SND1: variants seen among roughly 807,000 people sequenced by gnomAD.
SND1 encodes staphylococcal nuclease domain-containing protein 1.
A neutral mutation model predicts 121.7 loss-of-function variants in SND1; 38 were observed. The observed-to-expected ratio is 0.31, with a 90% CI of 0.24 to 0.41. SND1 has a LOEUF of 0.41. Ranked by LOEUF, SND1 falls within the 10% of genes least tolerant of loss-of-function variation. The pLI is 1.00. For missense variants in SND1, 868 were observed against 1,184.6 expected, an observed-to-expected ratio of 0.73 and a Z score of 3.92; for synonymous variants, 401 against 447.4, an observed-to-expected ratio of 0.90 and a Z score of 1.31.
intron 11 of SND1, among the ~76,000 whole-genome samples, chr7:127,813,692 G>A (rs1010019121): frequency 5.3e-5 from 8 of 152,086 alleles, no homozygotes; most frequent in Non-Finnish European, 1.0e-4. Context: ...CGCCCAAGTA[G>A]CTGGGATTAT....
chr7:128,054,993 T>C (rs1214585682), intron 16 of SND1, among the ~76,000 whole-genome samples: 3 of 152,234 alleles, frequency 2.0e-5, no homozygotes, highest in Admixed American at 2.0e-4. Context: ...GTTATTCTAA[T>C]AGGATGGATA....
chr7:127,931,830 C>T (rs946341330), intron 15 of SND1, among the ~76,000 whole-genome samples: 13 of 152,282 alleles, frequency 8.5e-5, no homozygotes, highest in South Asian at 2.1e-4. Flanking sequence ...GCCTGTATGA[C>T]GGCACATCTG....
chr7:127,662,542 C>T (rs1424178031), intron 1 of SND1, among the ~76,000 whole-genome samples: 4 of 152,080 alleles, frequency 2.6e-5, no homozygotes, highest in South Asian at 2.1e-4. Context: ...TTTTTTGTAA[C>T]CTTTTTTGTT....
At chr7:127,812,772 A>G (rs1798357329) in intron 11 of SND1, among the ~76,000 whole-genome samples, 1 of 152,242 alleles carries the variant, frequency 6.6e-6, no homozygotes, top group East Asian at 1.9e-4. Flanking sequence ...CTGGCTATTT[A>G]TCAGGGTTGT....
rs1795710386 is a variant in SND1, at chr7:127,680,810, A to G, written c.79-5803A>G. Among the ~76,000 whole-genome samples the G allele has an allele frequency of 3.3e-5, 5 of 151,570 alleles. No homozygotes were observed. The Admixed American group carries it at 3.3e-4, about 10-fold the overall frequency. ...TTAAGAGATTAAAGTAAAGACAGGC[A>G]TAGGAAATCACAAGGGTATTGATTG... On this transcript the variant is annotated intron_variant, in intron 1 of 23. Coordinates refer to ENST00000354725, the MANE Select transcript of SND1 (RefSeq NM_014390.4).
At chr7:127,680,411 T>C (rs900471021) in intron 1 of SND1, among the ~76,000 whole-genome samples, 1 of 152,024 alleles carries the variant, frequency 6.6e-6, no homozygotes, top group Non-Finnish European at 1.5e-5. Context: ...TATGGGAGAC[T>C]GGGGCTTATT....
intron 16 of SND1, among the ~76,000 whole-genome samples, chr7:128,036,009 G>A (rs1792743305): frequency 6.6e-6 from 1 of 152,198 alleles, no homozygotes; most frequent in Admixed American, 6.5e-5. Context: ...TTAAGGGTAG[G>A]TCCATCAGTG....
intron 21 of SND1, among the ~76,000 whole-genome samples, chr7:128,089,046 GTTTT>G (rs1167758272): frequency 1.4e-4 from 22 of 151,886 alleles, no homozygotes; most frequent in African/African-American, 5.1e-4. Context: ...TCTGGTTTGT[GTTTT>G]TTTGTTTTTT....
intron 10 of SND1, among the ~76,000 whole-genome samples, chr7:127,725,018 AAAG>A (rs1196138298): frequency 2.0e-5 from 3 of 152,216 alleles, no homozygotes; most frequent in Admixed American, 6.5e-5. Context: ...GAAAAAAGAA[AAAG>A]AAGAAGAAAA....
chr7:127,962,206 G>A (rs1446193217), intron 15 of SND1, among the ~76,000 whole-genome samples: 1 of 152,104 alleles, frequency 6.6e-6, no homozygotes. Context: ...AAGGAAGATG[G>A]GGAAAGGGAA....
At chr7:127,820,191 A>G (rs949604308) in intron 11 of SND1, among the ~76,000 whole-genome samples, 3 of 152,140 alleles carry the variant, frequency 2.0e-5, no homozygotes, top group Non-Finnish European at 4.4e-5. Flanking sequence ...CTCTTTTTCT[A>G]AGATGTGTGG....
chr7:127,827,050 C>T lies in SND1; in HGVS notation c.1243-17274C>T, dbSNP rs542885611. 9.2e-5 allele frequency among the ~76,000 whole-genome samples: 14 copies of T among 152,338 alleles called. No homozygotes were observed. The South Asian group carries it at 2.9e-3, about 32-fold the overall frequency. On this transcript the variant is annotated intron_variant, in intron 11 of 23. Coordinates refer to ENST00000354725, the MANE Select transcript of SND1 (RefSeq NM_014390.4). ...AATGATGTTGATACTATACCTTTTA[C>T]GTGGTTTCCTATCCTCGCACTTCAG...
At chr7:128,004,272 C>G (rs540009623) in intron 16 of SND1, among the ~76,000 whole-genome samples, 1 of 152,156 alleles carries the variant, frequency 6.6e-6, no homozygotes, top group African/African-American at 2.4e-5. Flanking sequence ...GAACTAAGCC[C>G]TCTTTTGCCT....
At chr7:127,682,548 G>C (rs1795746210) in intron 1 of SND1, among the ~76,000 whole-genome samples, 1 of 152,156 alleles carries the variant, frequency 6.6e-6, no homozygotes, top group South Asian at 2.1e-4. Flanking sequence ...CATTTGACTT[G>C]ATTTCTGTGC....
intron 13 of SND1, among the ~76,000 whole-genome samples, chr7:127,903,012 GCTGGGATTCCAGGTAC>G (rs1329889281): frequency 6.6e-6 from 1 of 152,068 alleles, no homozygotes; most frequent in Non-Finnish European, 1.5e-5. Context: ...CTCCCGAGTA[GCTGGGATTCCAGGTAC>G]CTGCCACCAC....
intron 16 of SND1, among the ~76,000 whole-genome samples, chr7:128,040,437 TA>T (rs67595921): frequency 0.029 from 960 of 32,868 alleles, 5 homozygotes; most frequent in African/African-American, 0.066. Context: ...GTCCTATCTT[TA>T]AAAAAAAAAA....
At chr7:127,944,322 A>G (rs1014355098) in intron 15 of SND1, among the ~76,000 whole-genome samples, 4 of 152,182 alleles carry the variant, frequency 2.6e-5, no homozygotes, top group Admixed American at 1.3e-4. Context: ...CAGCTGTTGC[A>G]AGTTGGAGGA....
intron 12 of SND1, among the ~76,000 whole-genome samples, chr7:127,872,648 A>T (rs1228290658): frequency 1.3e-4 from 20 of 151,694 alleles, no homozygotes; most frequent in African/African-American, 4.8e-4. Flanking sequence ...ACACACACAC[A>T]CACACACACA....
At chr7:127,762,285 GTT>G (rs1045081172) in intron 10 of SND1, among the ~76,000 whole-genome samples, 11 of 152,200 alleles carry the variant, frequency 7.2e-5, no homozygotes, top group African/African-American at 2.7e-4. Context: ...TTTTCTCACA[GTT>G]TCAGAGGCTG....
Sources: allele counts gnomAD v4.1 joint callset (sites outside exome capture counted in the v4.1 genomes callset), GRCh38; gene constraint gnomAD v4.1.1; transcripts MANE v1.5; gene names NCBI Gene and HGNC (gene_info 2026-07-23, HGNC 2026-07-21).